The following SEPHS1 variants were observed in gnomAD, a reference collection of about 807,000 sequenced individuals.
SEPHS1 encodes zincore component SEPHS1.
Under a neutral mutation model 39.2 loss-of-function variants are expected in SEPHS1, and 7 were observed. The observed-to-expected ratio is 0.18, with a 90% CI of 0.10 to 0.34. The LOEUF (loss-of-function observed/expected upper bound fraction) is 0.34, where lower values mean the gene tolerates loss of function less well. SEPHS1 is among the 10% of genes least tolerant of loss of function. The pLI is 1.00. For missense variants in SEPHS1, 253 were observed against 514.5 expected (o/e 0.49, Z 4.92); for synonymous variants, 190 against 195.5 (o/e 0.97, Z 0.23).
In SEPHS1 at chr10:13,338,961, C is replaced by T. The variant is rs894425789; in HGVS notation, c.194-153G>A. 4 of 642,068 alleles carry T rather than the reference C, an allele frequency of 6.2e-6. No homozygotes were observed. In the Admixed American group the frequency reaches 7.7e-5, roughly 12 times the overall value. The allele number at this position is 642,068 out of a possible 1,614,324, so 39.8% of individuals were successfully genotyped here. A position where few individuals can be genotyped will look rare whatever the true frequency, so the allele number is the denominator to read the frequency against. ...ATGTGTTTCCTATCAAGAAGCGTAA[C>T]TGAAATAAACGTGAAACATATCCAG... On this transcript the variant is annotated intron_variant, in intron 2 of 8. Coordinates refer to ENST00000327347, the MANE Select transcript of SEPHS1 (RefSeq NM_012247.5).
intron 2 of SEPHS1, among the ~76,000 whole-genome samples, chr10:13,342,123 C>T (rs1007689706): frequency 2.6e-5 from 4 of 151,326 alleles, no homozygotes; most frequent in South Asian, 2.1e-4. Context: ...AAAAATTAGC[C>T]AGGCATGGTG....
intron 2 of SEPHS1, among the ~76,000 whole-genome samples, chr10:13,342,846 C>G (rs1272224735): frequency 6.6e-6 from 1 of 151,974 alleles, no homozygotes; most frequent in African/African-American, 2.4e-5. Context: ...AGGGATCCTC[C>G]CACCTCAGCC....
chr10:13,323,455 A>C (rs948584696), intron 7 of SEPHS1, among the ~76,000 whole-genome samples: 2 of 152,078 alleles, frequency 1.3e-5, no homozygotes, highest in African/African-American at 4.8e-5. Flanking sequence ...CCAGGGCTCA[A>C]GTGATTCTCC....
intron 8 of SEPHS1, chr10:13,322,068 A>G (rs1331234820): frequency 4.4e-6 from 2 of 455,626 alleles, no homozygotes; most frequent in African/African-American, 4.0e-5. Flanking sequence ...CTGCACATCT[A>G]AGAAAAAAGA....
intron 8 of SEPHS1, among the ~76,000 whole-genome samples, chr10:13,321,576 G>A (rs1189141026): frequency 6.6e-6 from 1 of 152,078 alleles, no homozygotes; most frequent in African/African-American, 2.4e-5. Flanking sequence ...TCTTTTGCGG[G>A]TAGAAAACTA....
chr10:13,321,574 G>C (rs529846943), intron 8 of SEPHS1, among the ~76,000 whole-genome samples: 1 of 152,022 alleles, frequency 6.6e-6, no homozygotes, highest in Non-Finnish European at 1.5e-5. Context: ...ACTCTTTTGC[G>C]GGTAGAAAAC....
At position 13,319,098 on chromosome 10, in the gene SEPHS1, T is replaced by A. The variant is rs185568518; in HGVS notation, c.*44A>T. ...TCTTTAATTGAAGTGATAAGGGAAATAGATCTATTTAAAAACAAAACCAAA... is the reference window on the plus strand; with the variant it reads ...TCTTTAATTGAAGTGATAAGGGAAAAAGATCTATTTAAAAACAAAACCAAA... On this transcript the variant is annotated 3_prime_UTR_variant, in exon 9 of 9. Coordinates refer to ENST00000327347, the MANE Select transcript of SEPHS1 (RefSeq NM_012247.5). The A allele has an allele frequency of 1.9e-6, 3 of 1,564,100 alleles. No homozygotes were observed. The highest frequency in any genetic ancestry group is 2.6e-6 in the Non-Finnish European group (3 of 1,138,986).
intron 6 of SEPHS1, among the ~76,000 whole-genome samples, chr10:13,329,087 A>T (rs191337998): frequency 6.6e-6 from 1 of 152,358 alleles, no homozygotes; most frequent in East Asian, 1.9e-4. Context: ...ATATGTGAGA[A>T]TATACCCCAA....
At chr10:13,327,996 T>G (rs1280877224) in intron 7 of SEPHS1, among the ~76,000 whole-genome samples, 1 of 151,868 alleles carries the variant, frequency 6.6e-6, no homozygotes, top group Non-Finnish European at 1.5e-5. Flanking sequence ...GTGGGGGCAC[T>G]TCTAGACTTC....
At chr10:13,337,200 G>T (rs963974305) in intron 3 of SEPHS1, among the ~76,000 whole-genome samples, 6 of 151,850 alleles carry the variant, frequency 4.0e-5, no homozygotes, top group Admixed American at 2.0e-4. Flanking sequence ...TCTTTTCAAG[G>T]ATGTATGAGA....
chr10:13,322,039 T>C (rs895296000), intron 8 of SEPHS1: 5 of 455,952 alleles, frequency 1.1e-5, no homozygotes, highest in South Asian at 6.2e-5. Flanking sequence ...CCTCCATTTA[T>C]GTTTCCTCTA....
At chr10:13,343,882 C>T (rs951074976) in intron 2 of SEPHS1, among the ~76,000 whole-genome samples, 1 of 152,096 alleles carries the variant, frequency 6.6e-6, no homozygotes, top group Non-Finnish European at 1.5e-5. Context: ...CGAAACTATG[C>T]GTCGAACACA....
chr10:13,344,062 G>A (rs1014551965), intron 2 of SEPHS1, among the ~76,000 whole-genome samples: 17 of 152,174 alleles, frequency 1.1e-4, no homozygotes, highest in Non-Finnish European at 2.2e-4. Flanking sequence ...CCTGGTTCCA[G>A]ATGACATCCT....
At chr10:13,323,950 C>A (rs1010519310) in intron 7 of SEPHS1, among the ~76,000 whole-genome samples, 2 of 152,096 alleles carry the variant, frequency 1.3e-5, no homozygotes, top group Non-Finnish European at 1.5e-5. Flanking sequence ...CACTCACCTA[C>A]TATTATTTAA....
At chr10:13,336,013 T>C (rs1833621423) in intron 4 of SEPHS1, among the ~76,000 whole-genome samples, 1 of 147,066 alleles carries the variant, frequency 6.8e-6, no homozygotes, top group African/African-American at 2.5e-5. Flanking sequence ...TTGGTTTCAG[T>C]CTACTGGGAA....
chr10:13,321,510 G>A lies in SEPHS1; in HGVS notation c.964+1325C>T, dbSNP rs144787513. Among the ~76,000 whole-genome samples, 474 of 152,256 alleles carry A rather than the reference G, an allele frequency of 3.1e-3. 5 individuals carry two copies. Among genetic ancestry groups the A allele is most frequent in the East Asian group, 0.012 (62 of 5,186 alleles). On this transcript the variant is annotated intron_variant, in intron 8 of 8. Transcript: ENST00000327347. ...CTCCCAAAGTGCTGGAATTACAGGCGTGAGCCACCAGGCCTGGCCGGCATG... is the reference window on the plus strand; with the variant it reads ...CTCCCAAAGTGCTGGAATTACAGGCATGAGCCACCAGGCCTGGCCGGCATG...
chr10:13,326,788 C>G (rs1052700356), intron 7 of SEPHS1, among the ~76,000 whole-genome samples: 18 of 152,124 alleles, frequency 1.2e-4, no homozygotes, highest in Non-Finnish European at 1.5e-5. Flanking sequence ...CCTGCCTCAA[C>G]CTCCCAAAGT....
intron 7 of SEPHS1, among the ~76,000 whole-genome samples, chr10:13,327,370 T>C (rs574478120): frequency 1.3e-5 from 2 of 151,234 alleles, no homozygotes; most frequent in East Asian, 3.9e-4. Context: ...AAACTTATAC[T>C]AACCACTACT....
chr10:13,323,258 T>C (rs1833167353), intron 7 of SEPHS1, among the ~76,000 whole-genome samples: 1 of 152,144 alleles, frequency 6.6e-6, no homozygotes, highest in African/African-American at 2.4e-5. Context: ...AAGCTTCAAT[T>C]AATAGTAGTT....
Sources: allele counts gnomAD v4.1 joint callset (sites outside exome capture counted in the v4.1 genomes callset), GRCh38; gene constraint gnomAD v4.1.1; transcripts MANE v1.5; gene names NCBI Gene and HGNC (gene_info 2026-07-23, HGNC 2026-07-21).